Variants in CEP41 observed in about 807,000 individuals in gnomAD.
CEP41 encodes the protein centrosomal protein 41.
In CEP41, 32 loss-of-function variants were observed where a neutral mutation model predicts 44.3. The ratio of observed to expected loss-of-function variants is 0.72; its 90% confidence interval spans 0.54 to 0.97. The LOEUF (loss-of-function observed/expected upper bound fraction) is 0.97, where lower values mean the gene tolerates loss of function less well. CEP41 is among the 50% of genes least tolerant of loss of function. The pLI, the probability that CEP41 is intolerant of heterozygous loss-of-function variation, is 0.00. For synonymous variants in CEP41, 151 were observed against 168.5 expected (o/e 0.90, Z 0.80); for missense variants, 432 against 455.2 (o/e 0.95, Z 0.46).
intron 1 of CEP41, among the ~76,000 whole-genome samples, chr7:130,436,966 G>A (rs1797984959): frequency 6.6e-6 from 1 of 152,184 alleles, no homozygotes; most frequent in African/African-American, 2.4e-5. Context: ...TTGAACCTGG[G>A]AGGCGGAGGT....
chr7:130,416,224 T>C (rs868993171), intron 3 of CEP41, among the ~76,000 whole-genome samples: 27 of 152,274 alleles, frequency 1.8e-4, no homozygotes, highest in African/African-American at 6.0e-4. Context: ...CTGGGTTCTC[T>C]TATTCAAGAT....
rs782265732 is a variant in CEP41 at position 130,401,934 on chromosome 7, T to A, written c.589A>T (p.Ile197Phe). The A allele has an allele frequency of 5.0e-6, 8 of 1,609,882 alleles. No homozygotes were observed. The African/African-American group carries it at 6.7e-5, about 13-fold the overall frequency. ...CHIVGAYSYP[I>F]ATLSRTMNPY... is the part of the protein sequence containing the mutation. The stretch of plus-strand genomic sequence containing the variant: ...TTCATTGTTCTAGACAGAGTTGCAA[T>A]TGGGTAACTGTAAGCTGCAAAGAGA... Residue 197 changes from isoleucine (I) to phenylalanine (F), a missense_variant, in exon 8 of 11, where the codon ATT becomes TTT. Physicochemically the swap from Ile to Phe is conservative, Grantham distance 21. Coordinates refer to ENST00000223208, the MANE Select transcript of CEP41 (RefSeq NM_018718.3).
chr7:130,419,021 A>G (rs1180056504), intron 2 of CEP41: 5 of 983,764 alleles, frequency 5.1e-6, no homozygotes, highest in Non-Finnish European at 6.0e-6. Context: ...AAGTGTCTAC[A>G]CTTCATTTCT....
At chr7:130,419,375 A>G (rs1797430568) in intron 2 of CEP41, 1 of 985,414 alleles carries the variant, frequency 1.0e-6, no homozygotes, top group Non-Finnish European at 1.2e-6. Context: ...GAAAGTATGA[A>G]AAGTAGCATT....
Position 130,397,626 on chromosome 7 carries a change from T to C in CEP41, c.*1265A>G, listed in dbSNP as rs1388661103. On this transcript the variant is annotated 3_prime_UTR_variant, in exon 11 of 11. Transcript: ENST00000223208. ...TTTCAGTGGGCTTTTCAGAAGCTGG[T>C]TGCCATGACAAAGAGCACAATTTAT... 4.4e-6 allele frequency: 2 copies of C among 452,720 alleles called. No individual in the cohort carries two copies. The highest frequency in any genetic ancestry group is 3.1e-5 in the South Asian group (2 of 64,400). 28.0% of individuals were successfully genotyped at this position (452,720 alleles called of 1,614,324 possible). A position where few individuals can be genotyped will look rare whatever the true frequency, so the allele number is the denominator to read the frequency against.
In CEP41 at chr7:130,396,686, A is replaced by G; in HGVS notation, c.*2205T>C. On this transcript the variant is annotated 3_prime_UTR_variant, in exon 11 of 11. Transcript: ENST00000223208. ...AGCACGTAAAGAATGTTTGATATTAACACTTAACATGCAAAACGCAGATTA... is the reference window on the plus strand; with the variant it reads ...AGCACGTAAAGAATGTTTGATATTAGCACTTAACATGCAAAACGCAGATTA... 2.2e-6 allele frequency: 1 copy of G among 454,582 alleles called. No individual in the cohort carries two copies. Among genetic ancestry groups the G allele is most frequent in the Non-Finnish European group, 4.4e-6 (1 of 226,790 alleles). 28.2% of individuals were successfully genotyped at this position (454,582 alleles called of 1,614,324 possible).
chr7:130,406,308 G>A (rs1797006993), intron 5 of CEP41, among the ~76,000 whole-genome samples: 1 of 152,178 alleles, frequency 6.6e-6, no homozygotes, highest in African/African-American at 2.4e-5. Context: ...AACAGGGCGG[G>A]CATGGTGGCT....
chr7:130,413,518 T>G (rs1361094160), intron 3 of CEP41, among the ~76,000 whole-genome samples: 1 of 151,684 alleles, frequency 6.6e-6, no homozygotes, highest in African/African-American at 2.4e-5. Flanking sequence ...GAGGTGGAGA[T>G]TGCAGTGAGC....
chr7:130,426,484 A>G (rs565111520), intron 2 of CEP41: 22 of 295,690 alleles, frequency 7.4e-5, no homozygotes, highest in African/African-American at 2.8e-4. Context: ...ACAAATCTAT[A>G]TATCTGAAAT....
chr7:130,440,621 T>C, intron 1 of CEP41: 1 of 557,566 alleles, frequency 1.8e-6, no homozygotes, highest in Non-Finnish European at 3.2e-6. Flanking sequence ...TTGTCTTTTC[T>C]GTTTTGTAAC....
At chr7:130,424,410 A>G (rs1295463547) in intron 2 of CEP41, among the ~76,000 whole-genome samples, 3 of 152,062 alleles carry the variant, frequency 2.0e-5, no homozygotes, top group Non-Finnish European at 2.9e-5. Context: ...AAAAAAAAAA[A>G]AAAAGAAAAA....
At chr7:130,423,754 C>A (rs1225539568) in intron 2 of CEP41, among the ~76,000 whole-genome samples, 1 of 152,160 alleles carries the variant, frequency 6.6e-6, no homozygotes, top group Non-Finnish European at 1.5e-5. Flanking sequence ...TGTGGAATAG[C>A]TATACAACAG....
chr7:130,397,222 G>A lies in CEP41; in HGVS notation c.*1669C>T, dbSNP rs1303649165. On this transcript the variant is annotated 3_prime_UTR_variant, in exon 11 of 11. Coordinates refer to ENST00000223208, the MANE Select transcript of CEP41 (RefSeq NM_018718.3). ...ATAAATTTATGGGGAAACATGACAG[G>A]CTCCTCATTAAAGCTATGTGTACGT... 6.6e-6 allele frequency: 3 copies of A among 454,308 alleles called. No individual in the cohort carries two copies. The highest frequency in any genetic ancestry group is 6.0e-5 in the African/African-American group (3 of 49,972). The allele number at this position is 454,308 out of a possible 1,614,324, so 28.1% of individuals were successfully genotyped here.
intron 2 of CEP41, chr7:130,419,866 C>T (rs1797448841): frequency 3.0e-6 from 3 of 985,150 alleles, no homozygotes; most frequent in Non-Finnish European, 3.6e-6. Context: ...CTATAGCACT[C>T]GGCTTACAAC....
chr7:130,441,051 C>T (rs781817547), upstream of CEP41: 4 of 1,468,782 alleles, frequency 2.7e-6, no homozygotes, highest in Non-Finnish European at 3.8e-6. Flanking sequence ...CCTTGTTCAG[C>T]CGCCTCCCTA....
intron 1 of CEP41, among the ~76,000 whole-genome samples, chr7:130,437,412 A>G (rs12668854): frequency 0.51 from 77,821 of 151,292 alleles, 20,242 homozygotes; most frequent in African/African-American, 0.58. Context: ...ATTCAGTCAC[A>G]AAGCAAGAGA....
upstream of CEP41, chr7:130,441,220 C>G (rs909023106): frequency 2.3e-5 from 14 of 600,932 alleles, no homozygotes; most frequent in Non-Finnish European, 3.7e-5. Flanking sequence ...TGGGCTGGGG[C>G]TCGCCGGCTC....
At chr7:130,431,123 T>C (rs528215471) in intron 1 of CEP41, among the ~76,000 whole-genome samples, 13 of 144,462 alleles carry the variant, frequency 9.0e-5, no homozygotes, top group African/African-American at 1.3e-4. Context: ...CCAACCGCAA[T>C]GTAAAACTAT....
chr7:130,422,963 TG>T (rs1318806751), intron 2 of CEP41, among the ~76,000 whole-genome samples: 2 of 152,258 alleles, frequency 1.3e-5, no homozygotes, highest in Non-Finnish European at 2.9e-5. Context: ...TTTTATTTTT[TG>T]GAGACGGAGT....
Sources: allele counts gnomAD v4.1 joint callset (sites outside exome capture counted in the v4.1 genomes callset), GRCh38; gene constraint gnomAD v4.1.1; transcripts MANE v1.5; gene names NCBI Gene and HGNC (gene_info 2026-07-23, HGNC 2026-07-21).